Variants in PPP2R2D observed in about 807,000 individuals in gnomAD.
The protein encoded by PPP2R2D is protein phosphatase 2 regulatory subunit Bdelta.
PPP2R2D carries 9 observed loss-of-function variants against 31.1 expected under a neutral mutation model. The ratio of observed to expected loss-of-function variants is 0.29; its 90% CI spans 0.17 to 0.51. The LOEUF (loss-of-function observed/expected upper bound fraction) is 0.51, where lower values mean the gene tolerates loss of function less well. PPP2R2D is among the 20% of genes least tolerant of loss of function. The pLI is 0.98. For missense variants in PPP2R2D, 391 were observed against 465.6 expected (o/e 0.84, Z 1.48); for synonymous variants, 179 against 172.6 (o/e 1.04, Z -0.29).
downstream of PPP2R2D, among the ~76,000 whole-genome samples, chr10:131,962,420 T>C (rs1475182734): frequency 6.6e-6 from 1 of 152,138 alleles, no homozygotes; most frequent in East Asian, 1.9e-4. Context: ...CTCCATCTGG[T>C]GAGTGGTTAA....
At chr10:131,963,557 G>A (rs527508295), downstream of PPP2R2D, among the ~76,000 whole-genome samples, 2 of 152,294 alleles carry the variant, frequency 1.3e-5, no homozygotes, top group South Asian at 4.1e-4. Context: ...GCGTCTGGGC[G>A]GGCTGTCCAC....
intron 2 of PPP2R2D, among the ~76,000 whole-genome samples, chr10:131,913,685 A>G (rs1377509190): frequency 2.0e-5 from 3 of 152,136 alleles, no homozygotes; most frequent in African/African-American, 7.2e-5. Flanking sequence ...CTGAGAGTAC[A>G]CTTACCAAGC....
In PPP2R2D at chr10:131,920,923, C is replaced by A. The variant is rs371334781; in HGVS notation, c.101-13535C>A. On this transcript the variant is annotated intron_variant, in intron 2 of 8. Coordinates refer to ENST00000455566, the MANE Select transcript of PPP2R2D (RefSeq NM_018461.5). ...CTCCAGCCTGGGCAACATAGCGAGA[C>A]CCTGTCTTTACAAAAAGTGAAACAG... 4.6e-5 allele frequency among the ~76,000 whole-genome samples: 7 copies of A among 152,258 alleles called. No homozygotes were observed. In the South Asian group the frequency reaches 1.5e-3, roughly 32 times the overall value.
intron 2 of PPP2R2D, among the ~76,000 whole-genome samples, chr10:131,903,964 G>A (rs2035542102): frequency 6.6e-6 from 1 of 152,216 alleles, no homozygotes; most frequent in African/African-American, 2.4e-5. Flanking sequence ...AGCACTCTGG[G>A]AGGCTGAGGC....
chr10:131,960,070 A>T (rs1416772805), downstream of PPP2R2D, among the ~76,000 whole-genome samples: 2 of 152,170 alleles, frequency 1.3e-5, no homozygotes, highest in African/African-American at 4.8e-5. Context: ...GGGGGAAGCC[A>T]CCTGGCCAGC....
intron 2 of PPP2R2D, among the ~76,000 whole-genome samples, chr10:131,913,354 G>C (rs2035715579): frequency 6.6e-6 from 1 of 151,982 alleles, no homozygotes; most frequent in Admixed American, 6.6e-5. Flanking sequence ...TATGCATTAT[G>C]AATATTAGTC....
chr10:131,915,257 G>A (rs553234510), intron 2 of PPP2R2D, among the ~76,000 whole-genome samples: 4 of 152,000 alleles, frequency 2.6e-5, no homozygotes, highest in African/African-American at 7.3e-5. Context: ...CGTGCCTTAC[G>A]TGTACCAGTG....
chr10:131,947,314 T>A lies in PPP2R2D; in HGVS notation c.821-216T>A, dbSNP rs2036560871. ...CTACGCTTCTCATGCCCATCCCTTG[T>A]CCATAGCTGGTGCTAGAATGTCTTA... is the stretch of plus-strand genomic sequence containing the variant. On this transcript the variant is annotated intron_variant, in intron 7 of 8. Transcript: ENST00000455566. The surrounding 1 kb of genome is among the most constrained non-coding windows in gnomAD (Gnocchi z 4.3). Among the ~76,000 whole-genome samples the A allele has an allele frequency of 6.6e-6, 1 of 152,152 alleles. No homozygotes were observed. The highest frequency in any genetic ancestry group is 1.5e-5 in the Non-Finnish European group (1 of 68,036).
At chr10:131,915,672 A>G (rs782253439) in intron 2 of PPP2R2D, among the ~76,000 whole-genome samples, 5 of 152,162 alleles carry the variant, frequency 3.3e-5, no homozygotes, top group Non-Finnish European at 7.3e-5. Flanking sequence ...CCGATGGGGA[A>G]TTGCAGCTCT....
downstream of PPP2R2D, among the ~76,000 whole-genome samples, chr10:131,961,212 G>A (rs774642593): frequency 3.9e-5 from 6 of 152,210 alleles, no homozygotes; most frequent in Non-Finnish European, 7.4e-5. Context: ...CGGGCCCCGC[G>A]CTCTTCCCTT....
chr10:131,970,398 G>C, the PPP2R2D span: 4 of 582,354 alleles, frequency 6.9e-6, no homozygotes, highest in Non-Finnish European at 1.2e-5. The surrounding 1 kb of genome is among the most constrained non-coding windows in gnomAD (Gnocchi z 4.1). Flanking sequence ...TATATTCAGT[G>C]AGCAACAGGC....
chr10:131,902,007 C>T (rs1157664156), intron 2 of PPP2R2D, among the ~76,000 whole-genome samples: 1 of 152,194 alleles, frequency 6.6e-6, no homozygotes, highest in African/African-American at 2.4e-5. Context: ...TTCCTTAAAT[C>T]ATACTCTCAA....
chr10:131,965,898 C>G, the PPP2R2D span, among the ~76,000 whole-genome samples: 2 of 152,210 alleles, frequency 1.3e-5, no homozygotes, highest in Non-Finnish European at 2.9e-5. Context: ...CCCCTTGGTG[C>G]ATGAGTGGCA....
Position 131,958,526 on chromosome 10 carries a change from G to A in PPP2R2D, c.*2563G>A, listed in dbSNP as rs2036861838. The A allele has an allele frequency of 4.8e-6, 1 of 206,960 alleles. No individual in the cohort carries two copies. The highest frequency in any genetic ancestry group is 6.0e-5 in the South Asian group (1 of 16,702). The allele number at this position is 206,960 out of a possible 1,614,324, so 12.8% of individuals were successfully genotyped here. On this transcript the variant is annotated 3_prime_UTR_variant, in exon 9 of 9. Coordinates refer to ENST00000455566, the MANE Select transcript of PPP2R2D (RefSeq NM_018461.5). The stretch of plus-strand genomic sequence containing the variant: ...CGTCCCCCTGTGGAGATGAAGGTGT[G>A]TGCTGATCCCCCATCCCCCTGTGGA...
chr10:131,943,576 C>T (rs1554897499), intron 5 of PPP2R2D, among the ~76,000 whole-genome samples: 1 of 152,092 alleles, frequency 6.6e-6, no homozygotes, highest in Non-Finnish European at 1.5e-5. Context: ...GTGCATCTAG[C>T]TGCAAGGAGA....
chr10:131,953,199 C>T (rs1244996781), intron 8 of PPP2R2D, among the ~76,000 whole-genome samples: 1 of 16,994 alleles, frequency 5.9e-5, no homozygotes, highest in Non-Finnish European at 9.1e-5. Flanking sequence ...ACTGTCTTAG[C>T]AGTGACTTGC....
At chr10:131,938,289 A>G (rs1243627175) in intron 3 of PPP2R2D, among the ~76,000 whole-genome samples, 1 of 152,254 alleles carries the variant, frequency 6.6e-6, no homozygotes, top group Non-Finnish European at 1.5e-5. Context: ...ATATGTACTA[A>G]AGTGTTAAAC....
At chr10:131,929,022 C>G (rs547283164) in intron 2 of PPP2R2D, among the ~76,000 whole-genome samples, 1 of 152,196 alleles carries the variant, frequency 6.6e-6, no homozygotes, top group Non-Finnish European at 1.5e-5. Context: ...CCAGAACTCA[C>G]GCCTGGAGTT....
the PPP2R2D span, chr10:131,970,160 A>G: frequency 6.2e-6 from 1 of 160,314 alleles, no homozygotes; most frequent in African/African-American, 2.5e-5. This position sits in a 1 kb window ranked among gnomAD's most constrained non-coding sequence, Gnocchi z 4.1. Flanking sequence ...CCTGGGCAAC[A>G]AGAGCGAAAC....
Sources: allele counts gnomAD v4.1 joint callset (sites outside exome capture counted in the v4.1 genomes callset), GRCh38; gene constraint gnomAD v4.1.1; non-coding constraint Gnocchi (gnomAD v3.1); transcripts MANE v1.5; gene names NCBI Gene and HGNC (gene_info 2026-07-23, HGNC 2026-07-21).